PDLIM5: variants seen among roughly 807,000 people sequenced by gnomAD.
The protein encoded by PDLIM5 is PDZ and LIM domain 5, also known as PDZ and LIM domain protein 5.
A neutral mutation model predicts 64.2 loss-of-function variants in PDLIM5; 34 were observed. The ratio of observed to expected loss-of-function variants is 0.53; its 90% confidence interval spans 0.40 to 0.71. PDLIM5 has a LOEUF of 0.71. Among genes scored for constraint, PDLIM5 ranks in the 30% least tolerant of loss-of-function variants. The probability of loss-of-function intolerance (pLI) is 0.00; values close to 1 mark genes in which losing one functional copy is unlikely to be tolerated. For synonymous variants in PDLIM5, 253 were observed against 269.1 expected (o/e 0.94, Z 0.59); for missense variants, 683 against 733.6 (o/e 0.93, Z 0.80).
intron 2 of PDLIM5, among the ~76,000 whole-genome samples, chr4:94,460,171 C>T (rs1028195965): frequency 6.6e-6 from 1 of 152,034 alleles, no homozygotes; most frequent in Non-Finnish European, 1.5e-5. Flanking sequence ...ATATTAATTA[C>T]CTTTTGTGTG....
At chr4:94,593,525 G>A (rs1736836116) in intron 7 of PDLIM5, among the ~76,000 whole-genome samples, 1 of 152,116 alleles carries the variant, frequency 6.6e-6, no homozygotes, top group Admixed American at 6.5e-5. Context: ...GGGGCACAGA[G>A]AAAGAGTGAA....
At chr4:94,457,155 A>T (rs1360197772) in intron 2 of PDLIM5, 1 of 965,748 alleles carries the variant, frequency 1.0e-6, no homozygotes, top group Non-Finnish European at 1.2e-6. Context: ...GTAACGCCTA[A>T]ATATCCTTAT....
At chr4:94,525,770 C>T (rs1730298668) in intron 3 of PDLIM5, among the ~76,000 whole-genome samples, 1 of 152,124 alleles carries the variant, frequency 6.6e-6, no homozygotes, top group South Asian at 2.1e-4. Flanking sequence ...AAATTCTTTT[C>T]AGTGGGACTG....
chr4:94,504,775 T>A (rs919569897), intron 2 of PDLIM5, among the ~76,000 whole-genome samples: 5 of 152,238 alleles, frequency 3.3e-5, no homozygotes, highest in Non-Finnish European at 5.9e-5. Flanking sequence ...TACCCAGGAA[T>A]CTCATTACTT....
intron 3 of PDLIM5, among the ~76,000 whole-genome samples, chr4:94,563,912 T>C (rs567723683): frequency 6.6e-6 from 1 of 151,954 alleles, no homozygotes; most frequent in South Asian, 2.1e-4. Context: ...TCTTCCAAAA[T>C]GAAGTACTGC....
At chr4:94,542,416 A>ATTTATTATG (rs1731902412) in intron 3 of PDLIM5, among the ~76,000 whole-genome samples, 1 of 152,148 alleles carries the variant, frequency 6.6e-6, no homozygotes, top group Admixed American at 6.5e-5. Context: ...GGGAGATTAC[A>ATTTATTATG]TTTATTATGT....
intron 2 of PDLIM5, chr4:94,456,949 T>A: frequency 1.3e-5 from 13 of 991,904 alleles, no homozygotes; most frequent in Non-Finnish European, 1.6e-5. Flanking sequence ...AGAGCTGGCT[T>A]TCCAACAGTT....
chr4:94,604,508 C>T (rs775196204), intron 7 of PDLIM5, among the ~76,000 whole-genome samples: 6 of 152,154 alleles, frequency 3.9e-5, no homozygotes, highest in African/African-American at 7.2e-5. Context: ...GTGGCACGTA[C>T]CTGTAGTCCC....
intron 3 of PDLIM5, among the ~76,000 whole-genome samples, chr4:94,536,349 C>G (rs959647015): frequency 6.6e-6 from 1 of 152,088 alleles, no homozygotes; most frequent in Non-Finnish European, 1.5e-5. Flanking sequence ...ACATTGGATT[C>G]CACCAAGTTA....
chr4:94,659,019 AC>A (rs1206990561), intron 11 of PDLIM5, among the ~76,000 whole-genome samples: 4 of 152,200 alleles, frequency 2.6e-5, no homozygotes, highest in African/African-American at 9.7e-5. Context: ...TAGCCTTAAT[AC>A]CTATATTTAA....
intron 2 of PDLIM5, among the ~76,000 whole-genome samples, chr4:94,518,293 AG>A (rs1452274361): frequency 1.3e-5 from 2 of 152,216 alleles, no homozygotes; most frequent in African/African-American, 4.8e-5. Context: ...GTAATAGCTA[AG>A]GGGAAGGCTT....
chr4:94,574,611 AG>A (rs769386485), intron 4 of PDLIM5, among the ~76,000 whole-genome samples: 2 of 151,922 alleles, frequency 1.3e-5, no homozygotes, highest in South Asian at 4.1e-4. Flanking sequence ...TTGATATGGT[AG>A]GGTGGAATAG....
At chr4:94,508,492 G>A (rs1307656293) in intron 2 of PDLIM5, among the ~76,000 whole-genome samples, 3 of 152,188 alleles carry the variant, frequency 2.0e-5, no homozygotes, top group African/African-American at 4.8e-5. Flanking sequence ...GGCTACAGCT[G>A]TATAAAGGAG....
chr4:94,613,598 T>C (rs1738538521), intron 7 of PDLIM5, among the ~76,000 whole-genome samples: 1 of 152,196 alleles, frequency 6.6e-6, no homozygotes, highest in Non-Finnish European at 1.5e-5. Context: ...ATTCTTAAGA[T>C]AGAAGTCATA....
chr4:94,506,080 A>G (rs1389885495), intron 2 of PDLIM5, among the ~76,000 whole-genome samples: 1 of 152,186 alleles, frequency 6.6e-6, no homozygotes, highest in Non-Finnish European at 1.5e-5. Flanking sequence ...AGACACTTCT[A>G]TCATTAGATT....
chr4:94,539,177 G>A (rs1489032866), intron 3 of PDLIM5, among the ~76,000 whole-genome samples: 2 of 152,188 alleles, frequency 1.3e-5, no homozygotes, highest in Non-Finnish European at 2.9e-5. Context: ...AGCTTGAAAC[G>A]ATTGTACAAA....
intron 2 of PDLIM5, among the ~76,000 whole-genome samples, chr4:94,508,124 G>A (rs559451756): frequency 3.4e-3 from 444 of 129,958 alleles, no homozygotes; most frequent in African/African-American, 0.016. Context: ...AAAAAAAGAG[G>A]CACTGACATA....
rs375930550 is a variant in PDLIM5 at position 94,660,461 on chromosome 4, GC to G, written c.1586-1953del. On this transcript the variant is annotated intron_variant, in intron 11 of 12. Transcript: ENST00000317968. ...TTCTAATTTTCCTTAATAGTGTAGT[GC>G]CCCCCCCAATTATTTTGTATTAAAT... Among the ~76,000 whole-genome samples the G allele has an allele frequency of 5.3e-5, 8 of 151,088 alleles. No individual in the cohort carries two copies. In the South Asian group the frequency reaches 1.3e-3, roughly 24 times the overall value.
chr4:94,636,602 G>A (rs566123441), intron 8 of PDLIM5, among the ~76,000 whole-genome samples: 21 of 149,068 alleles, frequency 1.4e-4, no homozygotes, highest in African/African-American at 2.0e-4. Flanking sequence ...GCAGTGGTGC[G>A]ATCTTGGCTC....
Sources: allele counts gnomAD v4.1 joint callset (sites outside exome capture counted in the v4.1 genomes callset), GRCh38; gene constraint gnomAD v4.1.1; transcripts MANE v1.5; gene names NCBI Gene and HGNC (gene_info 2026-07-23, HGNC 2026-07-21).